Variants in CSMD1 observed in about 807,000 individuals in gnomAD.
CSMD1 encodes CUB and Sushi multiple domains 1, also known as CUB and sushi domain-containing protein 1.
CSMD1 carries 213 observed loss-of-function variants against 417.5 expected under a neutral mutation model. The observed-to-expected ratio is 0.51, with a 90% confidence interval of 0.46 to 0.57. CSMD1 has a LOEUF of 0.57. CSMD1 is among the 20% of genes least tolerant of loss of function. The pLI, the probability that CSMD1 is intolerant of heterozygous loss-of-function variation, is 0.00. For missense variants in CSMD1, 6,923 were observed against 4,529.7 expected, an observed-to-expected ratio of 1.53 and a Z score of -15.17; for synonymous variants, 2,862 against 1,736.8, an observed-to-expected ratio of 1.65 and a Z score of -16.11.
intron 26 of CSMD1, among the ~76,000 whole-genome samples, chr8:3,249,743 G>A (rs1800134363): frequency 1.3e-5 from 1 of 77,778 alleles, no homozygotes; most frequent in Non-Finnish European, 3.2e-5. Context: ...GCAAGAGAAT[G>A]TGTTTATTTC....
intron 3 of CSMD1, among the ~76,000 whole-genome samples, chr8:4,376,428 G>C (rs144309324): frequency 6.6e-6 from 1 of 151,856 alleles, no homozygotes; most frequent in Admixed American, 6.6e-5. Flanking sequence ...TTTTCTTTAC[G>C]TTTCAAAATA....
At chr8:3,710,299 T>A (rs1801435169) in intron 6 of CSMD1, among the ~76,000 whole-genome samples, 1 of 152,110 alleles carries the variant, frequency 6.6e-6, no homozygotes, top group African/African-American at 2.4e-5. Context: ...AATAAATCTA[T>A]CTATACACAC....
intron 2 of CSMD1, among the ~76,000 whole-genome samples, chr8:4,490,591 C>A (rs1422535203): frequency 6.6e-6 from 1 of 152,048 alleles, no homozygotes; most frequent in Non-Finnish European, 1.5e-5. Flanking sequence ...AAGGAGATCA[C>A]AAACAAGAGA....
intron 3 of CSMD1, 72 bp downstream of exon 3, chr8:4,419,881 A>T: frequency 9.4e-7 from 1 of 1,062,374 alleles, no homozygotes; most frequent in Non-Finnish European, 1.4e-6. Flanking sequence ...GTTTGTCATT[A>T]TTAATCCAGT....
intron 1 of CSMD1, among the ~76,000 whole-genome samples, chr8:4,926,229 T>C (rs1235464790): frequency 6.6e-6 from 1 of 152,224 alleles, no homozygotes; most frequent in Non-Finnish European, 1.5e-5. Flanking sequence ...ATTACATTTA[T>C]TTTTTCTTGT....
At chr8:4,201,034 A>G (rs1454036607) in intron 3 of CSMD1, among the ~76,000 whole-genome samples, 1 of 152,212 alleles carries the variant, frequency 6.6e-6, no homozygotes, top group Non-Finnish European at 1.5e-5. Flanking sequence ...GAGATACTAC[A>G]GAGACGAATT....
intron 3 of CSMD1, among the ~76,000 whole-genome samples, chr8:4,057,270 T>G (rs1350445522): frequency 6.6e-6 from 1 of 152,206 alleles, no homozygotes; most frequent in Non-Finnish European, 1.5e-5. Context: ...GATTTGCATT[T>G]CTCTGATGGC....
In CSMD1 at chr8:4,614,976, G is replaced by A. The variant is rs563029315; in HGVS notation, c.302+22366C>T. ...ATTTGTCTGAAAAACAGTCGTATTT[G>A]TAGTACAAAGTAATTTTCCCTGAAA... On this transcript the variant is annotated intron_variant, in intron 2 of 69. Coordinates refer to ENST00000635120, the MANE Select transcript of CSMD1 (RefSeq NM_033225.6). 3.7e-4 allele frequency among the ~76,000 whole-genome samples: 57 copies of A among 152,228 alleles called. 1 individual carries two copies. The highest frequency in any genetic ancestry group is 6.8e-3 in the Middle Eastern group (2 of 294).
chr8:3,338,973 T>C (rs28509776), intron 23 of CSMD1, among the ~76,000 whole-genome samples: 27,608 of 139,050 alleles, frequency 0.2, 3,130 homozygotes, highest in Non-Finnish European at 0.24. Context: ...CTCCCGATGC[T>C]CTCCCTCCCC....
intron 5 of CSMD1, among the ~76,000 whole-genome samples, chr8:3,839,259 T>A (rs1802938046): frequency 1.6e-5 from 2 of 124,836 alleles, no homozygotes; most frequent in East Asian, 4.4e-4. Context: ...TATATATTAC[T>A]TATATATACT....
chr8:3,460,473 A>C (rs1167742205), intron 12 of CSMD1, among the ~76,000 whole-genome samples: 1 of 152,076 alleles, frequency 6.6e-6, no homozygotes, highest in Non-Finnish European at 1.5e-5. Flanking sequence ...TCATTTTTTT[A>C]AAAAAGATAA....
chr8:3,725,712 A>C (rs1585138879), intron 6 of CSMD1, among the ~76,000 whole-genome samples: 2 of 151,726 alleles, frequency 1.3e-5, no homozygotes, highest in East Asian at 3.9e-4. Context: ...ATGAGAGAGT[A>C]GGCAGAGGGC....
chr8:4,881,533 G>GTTTT (rs67009139), intron 1 of CSMD1, among the ~76,000 whole-genome samples: 4 of 132,122 alleles, frequency 3.0e-5, no homozygotes, highest in African/African-American at 1.1e-4. Flanking sequence ...CTCGAAGTTA[G>GTTTT]TTTTTTTTTT....
chr8:4,129,285 T>C (rs1802951755), intron 3 of CSMD1, among the ~76,000 whole-genome samples: 2 of 152,090 alleles, frequency 1.3e-5, no homozygotes, highest in South Asian at 2.1e-4. Flanking sequence ...TCAACAAAAC[T>C]AGCACAGTCA....
chr8:3,657,019 G>A (rs1027227123), intron 7 of CSMD1, among the ~76,000 whole-genome samples: 1 of 151,704 alleles, frequency 6.6e-6, no homozygotes, highest in Non-Finnish European at 1.5e-5. Context: ...TGGCCAATGA[G>A]ACATACAGGA....
At chr8:3,464,067 G>C (rs1052822371) in intron 12 of CSMD1, among the ~76,000 whole-genome samples, 1 of 152,196 alleles carries the variant, frequency 6.6e-6, no homozygotes, top group African/African-American at 2.4e-5. Flanking sequence ...AATAGGTCTT[G>C]TTTTGACTAT....
At chr8:3,425,877 A>C (rs1284562801) in intron 12 of CSMD1, among the ~76,000 whole-genome samples, 1 of 152,158 alleles carries the variant, frequency 6.6e-6, no homozygotes, top group Non-Finnish European at 1.5e-5. Flanking sequence ...AGATGACCAC[A>C]AAAGATTTTA....
intron 6 of CSMD1, among the ~76,000 whole-genome samples, chr8:3,728,971 G>C (rs1199664155): frequency 2.0e-5 from 3 of 152,206 alleles, no homozygotes; most frequent in African/African-American, 7.2e-5. Context: ...AATATCTGCA[G>C]GGCTGAGGTG....
At chr8:3,732,244 A>G (rs1363529720) in intron 6 of CSMD1, among the ~76,000 whole-genome samples, 1 of 152,182 alleles carries the variant, frequency 6.6e-6, no homozygotes, top group Non-Finnish European at 1.5e-5. Flanking sequence ...GCCACCCTGC[A>G]GGGCAATTAC....
Sources: allele counts gnomAD v4.1 joint callset (sites outside exome capture counted in the v4.1 genomes callset), GRCh38; gene constraint gnomAD v4.1.1; transcripts MANE v1.5; gene names NCBI Gene and HGNC (gene_info 2026-07-23, HGNC 2026-07-21).